The following SHANK2 variants were observed in gnomAD, a reference collection of about 807,000 sequenced individuals.
SHANK2 encodes the protein SH3 and multiple ankyrin repeat domains protein 2.
A neutral mutation model predicts 133.7 loss-of-function variants in SHANK2; 43 were observed. That is an observed-to-expected ratio of 0.32 (90% CI 0.25 to 0.41). SHANK2 has a LOEUF of 0.41. SHANK2 is among the 10% of genes least tolerant of loss of function. The probability of loss-of-function intolerance (pLI) is 1.00; values close to 1 mark genes in which losing one functional copy is unlikely to be tolerated. For synonymous variants in SHANK2, 1,017 were observed against 952.8 expected, an observed-to-expected ratio of 1.07 and a Z score of -1.24; for missense variants, 1,994 against 2,235.8, an observed-to-expected ratio of 0.89 and a Z score of 2.18.
At chr11:70,498,720 A>G (rs2059006915) in intron 21 of SHANK2, among the ~76,000 whole-genome samples, 2 of 152,196 alleles carry the variant, frequency 1.3e-5, no homozygotes, top group South Asian at 4.1e-4. Context: ...GGATGTTATG[A>G]TAAATGACCA....
intron 11 of SHANK2, chr11:70,872,498 C>T (rs1392452564): frequency 1.3e-5 from 2 of 152,402 alleles, no homozygotes; most frequent in Non-Finnish European, 1.5e-5. Context: ...AGACCCTTCC[C>T]TAGAAGCGCT....
chr11:70,944,550 T>G (rs1950695543), intron 10 of SHANK2, among the ~76,000 whole-genome samples: 1 of 152,234 alleles, frequency 6.6e-6, no homozygotes, highest in Non-Finnish European at 1.5e-5. Context: ...GCGCTTCCCA[T>G]ATGGCTGCTG....
At chr11:70,693,287 A>G (rs73527908) in intron 15 of SHANK2, among the ~76,000 whole-genome samples, 1,879 of 152,280 alleles carry the variant, frequency 0.012, 46 homozygotes, top group African/African-American at 0.043. Context: ...CAAGTGCGAG[A>G]AGACCCAACT....
chr11:70,801,486 G>A (rs1590696609), intron 13 of SHANK2, among the ~76,000 whole-genome samples: 1 of 152,328 alleles, frequency 6.6e-6, no homozygotes, highest in Non-Finnish European at 1.5e-5. Flanking sequence ...TGCCTTGAGT[G>A]CCTCCCTGAC....
At chr11:70,782,490 G>T (rs534808494) in intron 14 of SHANK2, among the ~76,000 whole-genome samples, 6 of 152,198 alleles carry the variant, frequency 3.9e-5, no homozygotes, top group Admixed American at 6.5e-5. Context: ...CTGTCTGTGG[G>T]AGGCACTGGG....
chr11:71,077,130 C>T (rs1951231471), intron 8 of SHANK2, among the ~76,000 whole-genome samples: 1 of 152,188 alleles, frequency 6.6e-6, no homozygotes, highest in Admixed American at 6.5e-5. Flanking sequence ...TAACTCCCTC[C>T]CCTCACCCAG....
intron 17 of SHANK2, among the ~76,000 whole-genome samples, chr11:70,641,059 A>AT (rs34899609): frequency 0.04 from 6,013 of 148,642 alleles, 163 homozygotes; most frequent in African/African-American, 0.077. Context: ...AATTCTAAGT[A>AT]TTTTTTTTTT....
intron 21 of SHANK2, among the ~76,000 whole-genome samples, chr11:70,497,796 G>A (rs1468707803): frequency 2.0e-5 from 3 of 152,346 alleles, no homozygotes; most frequent in East Asian, 3.9e-4. Context: ...CGACCCCAGC[G>A]TCCATGCCGA....
chr11:70,484,453 C>G (rs1443746526), intron 25 of SHANK2, among the ~76,000 whole-genome samples: 1 of 152,132 alleles, frequency 6.6e-6, no homozygotes, highest in Non-Finnish European at 1.5e-5. Context: ...TTTCTTGAGG[C>G]TTCTCCAGAA....
At chr11:70,831,632 G>A (rs779070729) in intron 11 of SHANK2, among the ~76,000 whole-genome samples, 41 of 152,266 alleles carry the variant, frequency 2.7e-4, no homozygotes, top group Non-Finnish European at 4.9e-4. Context: ...GCCTGACAAC[G>A]GACTGAAAAT....
chr11:70,700,092 C>T (rs917167374), intron 14 of SHANK2, among the ~76,000 whole-genome samples: 7 of 152,152 alleles, frequency 4.6e-5, no homozygotes, highest in African/African-American at 1.4e-4. Flanking sequence ...GCTGCAGCCT[C>T]GGATTAATTT....
At chr11:71,124,364 G>A (rs1481119179) in intron 3 of SHANK2, among the ~76,000 whole-genome samples, 1 of 150,094 alleles carries the variant, frequency 6.7e-6, no homozygotes, top group Non-Finnish European at 1.5e-5. Flanking sequence ...AGTGGTCACT[G>A]CAATGATGAC....
At chr11:70,632,415 G>A (rs921015343) in intron 17 of SHANK2, among the ~76,000 whole-genome samples, 1 of 151,996 alleles carries the variant, frequency 6.6e-6, no homozygotes, top group African/African-American at 2.4e-5. Context: ...TGCTATCCAC[G>A]CTCCCTGCTC....
At chr11:70,587,124 G>C (rs782562489) in intron 17 of SHANK2, among the ~76,000 whole-genome samples, 1 of 152,134 alleles carries the variant, frequency 6.6e-6, no homozygotes, top group Admixed American at 6.6e-5. Flanking sequence ...TTGCTCTCCC[G>C]ACCACAACAC....
rs901658170 is a variant in SHANK2, at chr11:71,094,788, C to T, written c.593-100G>A. ...AAACTAAGCTGAAAGAACTGACTCC[C>T]CTCCTCCACCTCCAGGGTGTTTACA... On this transcript the variant is annotated intron_variant, in intron 6 of 25. Transcript: ENST00000601538. 7 of 1,251,274 alleles carry T rather than the reference C, an allele frequency of 5.6e-6. No individual in the cohort carries two copies. In the East Asian group the frequency reaches 7.7e-5, roughly 14 times the overall value. The allele number at this position is 1,251,274 out of a possible 1,614,324, so 77.5% of individuals were successfully genotyped here.
At chr11:71,103,993 G>A (rs977210568) in intron 6 of SHANK2, among the ~76,000 whole-genome samples, 2 of 151,598 alleles carry the variant, frequency 1.3e-5, no homozygotes, top group African/African-American at 4.9e-5. Context: ...TCCGCCATGC[G>A]TAAAAGCTCC....
intron 17 of SHANK2, among the ~76,000 whole-genome samples, chr11:70,579,197 C>A (rs188371466): frequency 5.9e-5 from 9 of 152,334 alleles, no homozygotes; most frequent in Admixed American, 5.2e-4. Flanking sequence ...CATCCCCAGT[C>A]CAACCCTGCC....
In SHANK2 at chr11:70,468,492, T is replaced by A. The variant is rs513996; in HGVS notation, c.*4377A>T. ...GGAATGTTCACCTACTTGCATGGGT[T>A]CATGGTTGTCTACAAATACAGAAAC... On this transcript the variant is annotated 3_prime_UTR_variant, in exon 26 of 26. Coordinates refer to ENST00000601538, the MANE Select transcript of SHANK2 (RefSeq NM_012309.5). 0.97 allele frequency: 147,724 copies of A among 152,328 alleles called. 71,810 individuals carry two copies. The highest frequency in any genetic ancestry group is 1 in the East Asian group (5,190 of 5,190). 9.4% of individuals were successfully genotyped at this position (152,328 alleles called of 1,614,324 possible).
Position 71,139,327 on chromosome 11 carries a change from C to A in SHANK2, c.207+7793G>T, listed in dbSNP as rs1952507796. Among the ~76,000 whole-genome samples, 5 of 132,678 alleles carry A rather than the reference C, an allele frequency of 3.8e-5. No homozygotes were observed. The South Asian group carries it at 1.2e-3, about 31-fold the overall frequency. The allele number at this position is 132,678 out of a possible 152,430, so 87.0% of individuals were successfully genotyped here. On this transcript the variant is annotated intron_variant, in intron 3 of 25. Transcript: ENST00000601538. ...TCTATTTTCTTCTCTGCTCTCCTTGCAACATGGCATTCACTGTGGATTAAA... is the reference window on the plus strand; with the variant it reads ...TCTATTTTCTTCTCTGCTCTCCTTGAAACATGGCATTCACTGTGGATTAAA...
Sources: gnomAD v4.1 joint callset for allele counts (sites outside exome capture counted in the v4.1 genomes callset) on GRCh38, gnomAD v4.1.1 for gene constraint, MANE v1.5 for transcripts, NCBI Gene and HGNC (gene_info 2026-07-23, HGNC 2026-07-21) for gene names.